CDON: variants seen among roughly 807,000 people sequenced by gnomAD.
CDON encodes the protein cell adhesion associated, oncogene regulated, also known as cell adhesion molecule-related/down-regulated by oncogenes.
A neutral mutation model predicts 120.9 loss-of-function variants in CDON; 73 were observed. The ratio of observed to expected loss-of-function variants is 0.60; its 90% CI spans 0.50 to 0.73. The LOEUF (loss-of-function observed/expected upper bound fraction) is 0.73. Among genes scored for constraint, CDON ranks in the 30% least tolerant of loss-of-function variants. The pLI, the probability that CDON is intolerant of heterozygous loss-of-function variation, is 0.00. For missense variants in CDON, 1,470 were observed against 1,587.3 expected, an observed-to-expected ratio of 0.93 and a Z score of 1.26; for synonymous variants, 566 against 573.5, an observed-to-expected ratio of 0.99 and a Z score of 0.19.
intron 9 of CDON, among the ~76,000 whole-genome samples, chr11:126,004,927 T>C (rs1395235813): frequency 6.6e-6 from 1 of 152,148 alleles, no homozygotes; most frequent in Admixed American, 6.5e-5. Context: ...GGGAAAATGA[T>C]ATTTGAAGAG....
intron 7 of CDON, among the ~76,000 whole-genome samples, chr11:126,013,996 T>C (rs1947383736): frequency 6.6e-6 from 1 of 152,122 alleles, no homozygotes. Context: ...ATTTTAAATT[T>C]CCATTATGAT....
chr11:126,000,075 T>C (rs561010911), intron 11 of CDON, among the ~76,000 whole-genome samples: 49 of 152,312 alleles, frequency 3.2e-4, no homozygotes, highest in African/African-American at 1.2e-3. Flanking sequence ...AGTGACTGAC[T>C]TAGATATTTC....
At chr11:126,043,256 C>A (rs986059566) in intron 1 of CDON, among the ~76,000 whole-genome samples, 1 of 152,088 alleles carries the variant, frequency 6.6e-6, no homozygotes, top group African/African-American at 2.4e-5. Flanking sequence ...AACAATCAGA[C>A]CGATTGCAGG....
At chr11:125,991,867 G>A (rs540813989) in intron 14 of CDON, among the ~76,000 whole-genome samples, 4 of 152,122 alleles carry the variant, frequency 2.6e-5, no homozygotes, top group Non-Finnish European at 1.5e-5. Flanking sequence ...TGAACCTAAG[G>A]CAAAACTCAC....
chr11:125,983,924 C>G lies in CDON; in HGVS notation c.2943G>C (p.Met981Ile). The G allele has an allele frequency of 6.2e-7, 1 of 1,613,980 alleles. No homozygotes were observed. Among genetic ancestry groups the G allele is most frequent in the East Asian group, 2.2e-5 (1 of 44,878 alleles). ...TCCACAGGCACATTGCAATGAAAAC[C>G]ATCAGAATGAGGACCATGACGCCCA... ...CVLGVMVLILMVFIAMCLWKN... is the reference protein window; with the variant it reads ...CVLGVMVLILIVFIAMCLWKN... Residue 981 changes from methionine to isoleucine, a missense_variant, in exon 16 of 20, where the codon ATG becomes ATC. Physicochemically the swap from Met to Ile is conservative, Grantham distance 10. Coordinates refer to ENST00000531738, the MANE Select transcript of CDON (RefSeq NM_001378964.1).
intron 1 of CDON, among the ~76,000 whole-genome samples, chr11:126,052,913 A>G (rs55796727): frequency 6.6e-6 from 1 of 152,202 alleles, no homozygotes; most frequent in African/African-American, 2.4e-5. Flanking sequence ...TAAGTAATCT[A>G]GAGATGATTT....
intron 14 of CDON, among the ~76,000 whole-genome samples, chr11:125,990,287 G>A (rs1377163775): frequency 3.9e-5 from 6 of 152,240 alleles, no homozygotes; most frequent in African/African-American, 1.4e-4. Context: ...TGAATAAACT[G>A]CTGAGGATCA....
In CDON at chr11:125,984,064, G is replaced by C. The variant is rs771502239; in HGVS notation, c.2803C>G (p.Pro935Ala). Residue 935 changes from proline (P) to alanine (A), a missense_variant, in exon 16 of 20, where the codon CCT becomes GCT. Transcript: ENST00000531738. ...GGAGGGGTACTCAAGTCTTTGACAG[G>C]ATATTCAGAAGCTCCAGGAACACGT... The part of the protein sequence containing the change: ...VKRVPGASEY[P>A]VKDLSTPPNS... 1 of 1,613,542 alleles carries C rather than the reference G, an allele frequency of 6.2e-7. No individual in the cohort carries two copies. Among genetic ancestry groups the C allele is most frequent in the Non-Finnish European group, 8.5e-7 (1 of 1,179,492 alleles).
intron 1 of CDON, among the ~76,000 whole-genome samples, chr11:126,048,418 A>G (rs992351890): frequency 1.3e-5 from 2 of 152,204 alleles, no homozygotes; most frequent in African/African-American, 2.4e-5. Context: ...TGGGAATGAG[A>G]TAAGGAACAC....
At chr11:126,010,742 C>A (rs778071417) in intron 7 of CDON, 48 bp from the exon 8 acceptor site, 1 of 1,461,268 alleles carries the variant, frequency 6.8e-7, no homozygotes, top group Non-Finnish European at 9.6e-7. Flanking sequence ...CATTGTAGTA[C>A]CTACGATGCA....
At chr11:125,971,414 T>TA (rs377328170) in intron 18 of CDON, among the ~76,000 whole-genome samples, 2 of 123,676 alleles carry the variant, frequency 1.6e-5, no homozygotes, top group African/African-American at 6.4e-5. Flanking sequence ...AAATAAATAA[T>TA]AATAATTAAT....
chr11:126,041,594 G>C (rs1293569138), intron 1 of CDON, among the ~76,000 whole-genome samples: 1 of 152,178 alleles, frequency 6.6e-6, no homozygotes, highest in Non-Finnish European at 1.5e-5. Context: ...CATAATGCTA[G>C]TACTAAATAG....
At chr11:125,975,473 A>G (rs1946126003) in intron 18 of CDON, among the ~76,000 whole-genome samples, 1 of 152,130 alleles carries the variant, frequency 6.6e-6, no homozygotes, top group African/African-American at 2.4e-5. Context: ...TAAACTACTA[A>G]ACCTTCACAT....
chr11:125,961,574 T>C, intron 19 of CDON, 150 bp downstream of exon 19: 1 of 955,080 alleles, frequency 1.0e-6, no homozygotes, highest in South Asian at 1.7e-5. Flanking sequence ...GTCCTATCTT[T>C]TCCTGAAGGA....
At chr11:125,971,447 G>C (rs1010140067) in intron 18 of CDON, among the ~76,000 whole-genome samples, 1 of 151,706 alleles carries the variant, frequency 6.6e-6, no homozygotes, top group African/African-American at 2.4e-5. Context: ...ATCTCTACAT[G>C]TTGTTGTCAT....
intron 15 of CDON, among the ~76,000 whole-genome samples, chr11:125,988,439 G>A (rs956229318): frequency 3.3e-5 from 5 of 152,046 alleles, no homozygotes; most frequent in African/African-American, 1.2e-4. Flanking sequence ...GCAGTGGCCC[G>A]ATCTTGGCTC....
At chr11:125,972,688 G>A (rs1411779804) in intron 18 of CDON, among the ~76,000 whole-genome samples, 2 of 152,136 alleles carry the variant, frequency 1.3e-5, no homozygotes, top group Admixed American at 6.6e-5. Flanking sequence ...GGTTGGCAAT[G>A]TTTCTTAAAA....
At chr11:126,000,446 G>A (rs376458497) in intron 11 of CDON, among the ~76,000 whole-genome samples, 8 of 152,270 alleles carry the variant, frequency 5.3e-5, no homozygotes, top group South Asian at 2.1e-4. Context: ...GGACTCAAGC[G>A]ATCCTCCTGT....
Position 126,023,181 on chromosome 11 carries a change from T to C in CDON, c.76+220A>G, listed in dbSNP as rs11821628. Among the ~76,000 whole-genome samples the C allele has an allele frequency of 0.024, 3,611 of 152,184 alleles. 146 individuals are homozygous for C. The highest frequency in any genetic ancestry group is 0.082 in the African/African-American group (3,414 of 41,510). On this transcript the variant is annotated intron_variant, in intron 2 of 19. Coordinates refer to ENST00000531738, the MANE Select transcript of CDON (RefSeq NM_001378964.1). ...TTTAAAAAATGAAAGGGATAAATTATAAGGGCCAGGACAGGAAGGCCTGCT... is the reference window on the plus strand; with the variant it reads ...TTTAAAAAATGAAAGGGATAAATTACAAGGGCCAGGACAGGAAGGCCTGCT...
Sources: gnomAD v4.1 joint callset for allele counts (sites outside exome capture counted in the v4.1 genomes callset) on GRCh38, gnomAD v4.1.1 for gene constraint, MANE v1.5 for transcripts, NCBI Gene and HGNC (gene_info 2026-07-23, HGNC 2026-07-21) for gene names.